Variants in LAMA3 observed in about 807,000 individuals in gnomAD.
The protein encoded by LAMA3 is laminin subunit alpha 3.
LAMA3 carries 281 observed loss-of-function variants against 402.0 expected under a neutral mutation model. That is an observed-to-expected ratio of 0.70 (90% CI 0.63 to 0.77). The LOEUF is 0.77. LAMA3 is among the 30% of genes least tolerant of loss of function. LAMA3 has a pLI of 0.00. For synonymous variants in LAMA3, 1,431 were observed against 1,558.4 expected, an observed-to-expected ratio of 0.92 and a Z score of 1.93; for missense variants, 3,840 against 4,215.5, an observed-to-expected ratio of 0.91 and a Z score of 2.47.
At position 23,941,322 on chromosome 18, in the gene LAMA3, TG is replaced by T. The variant is rs1421854228; in HGVS notation, c.9026+1938del. On this transcript the variant is annotated intron_variant, in intron 68 of 74. Transcript: ENST00000313654. ...CCCCCTTGTGGCCTCTCCATCAGCT[TG>T]GCGCCCCCCCCCCGCCCGGCAGCTT... 8.8e-3 allele frequency among the ~76,000 whole-genome samples: 121 copies of T among 13,822 alleles called. 3 individuals carry two copies. The East Asian group carries it at 0.16, about 18-fold the overall frequency. 9.1% of individuals were successfully genotyped at this position (13,822 alleles called of 152,430 possible).
intron 48 of LAMA3, 27 bp from the exon 49 acceptor site, chr18:23,902,982 C>T (rs560613193): frequency 7.3e-7 from 1 of 1,368,844 alleles, no homozygotes; most frequent in South Asian, 1.2e-5. Context: ...TCATAGAGCT[C>T]AAGCAATTTT....
chr18:23,703,772 C>T (rs932906100), intron 1 of LAMA3, among the ~76,000 whole-genome samples: 1 of 152,188 alleles, frequency 6.6e-6, no homozygotes, highest in South Asian at 2.1e-4. Flanking sequence ...TCTTCCACCC[C>T]CTGGTGCCAT....
chr18:23,928,883 G>C, intron 64 of LAMA3, 118 bp downstream of exon 64: 1 of 961,184 alleles, frequency 1.0e-6, no homozygotes, highest in Non-Finnish European at 1.7e-6. Context: ...TCATCACACA[G>C]TAAATGCTAT....
chr18:23,788,752 G>GA (rs1458785811), intron 12 of LAMA3, among the ~76,000 whole-genome samples: 3 of 151,578 alleles, frequency 2.0e-5, no homozygotes, highest in Admixed American at 6.6e-5. Flanking sequence ...AGTAGCAAAA[G>GA]AAAAAATAGA....
intron 23 of LAMA3, among the ~76,000 whole-genome samples, chr18:23,829,321 CCTGT>C (rs1293860580): frequency 1.3e-5 from 2 of 152,170 alleles, no homozygotes; most frequent in African/African-American, 4.8e-5. Context: ...TATTTTGTTA[CCTGT>C]CTTTCTTAAT....
In LAMA3 at chr18:23,763,393, CTT is replaced by C; in HGVS notation, c.1064-5_1064-4del. The C allele has an allele frequency of 6.5e-7, 1 of 1,528,356 alleles. No homozygotes were observed. The highest frequency in any genetic ancestry group is 9.1e-7 in the Non-Finnish European group (1 of 1,102,296). The allele number at this position is 1,528,356 out of a possible 1,614,324, so 94.7% of individuals were successfully genotyped here. A position where few individuals can be genotyped will look rare whatever the true frequency, so the allele number is the denominator to read the frequency against. ...ATAATGAGAATATTGACTTATTATG[CTT>C]TTTTTTCAGCATGCAACTGCCACGG... On this transcript the variant is annotated splice_polypyrimidine_tract_variant and intron_variant, in intron 7 of 74. Transcript: ENST00000313654.
intron 67 of LAMA3, among the ~76,000 whole-genome samples, chr18:23,935,381 G>A (rs958704456): frequency 6.6e-6 from 1 of 152,214 alleles, no homozygotes; most frequent in Non-Finnish European, 1.5e-5. Context: ...GTCTCTGCGT[G>A]GGCTTCAGCA....
chr18:23,930,696 C>T (rs1041876622), intron 64 of LAMA3, among the ~76,000 whole-genome samples: 59 of 151,942 alleles, frequency 3.9e-4, no homozygotes, highest in South Asian at 6.3e-4. Flanking sequence ...TGTACTCTAG[C>T]CTATGCAAGA....
At chr18:23,702,437 C>T (rs2060807494) in intron 1 of LAMA3, among the ~76,000 whole-genome samples, 2 of 152,010 alleles carry the variant, frequency 1.3e-5, no homozygotes, top group Non-Finnish European at 2.9e-5. Flanking sequence ...CTCAAGGGAG[C>T]CTCAGCCTCC....
At chr18:23,917,741 G>T (rs770774548) in intron 60 of LAMA3, among the ~76,000 whole-genome samples, 3 of 152,104 alleles carry the variant, frequency 2.0e-5, no homozygotes, top group Non-Finnish European at 4.4e-5. Flanking sequence ...AGTTCTGATA[G>T]ATTCTGGATA....
intron 39 of LAMA3, among the ~76,000 whole-genome samples, chr18:23,877,464 A>G (rs915766167): frequency 2.0e-5 from 3 of 152,214 alleles, no homozygotes; most frequent in African/African-American, 7.2e-5. Flanking sequence ...ATACTCCAGG[A>G]ATACAGGGCT....
intron 66 of LAMA3, 58 bp from the exon 67 acceptor site, chr18:23,933,724 G>C: frequency 3.2e-6 from 5 of 1,586,698 alleles, no homozygotes; most frequent in Non-Finnish European, 4.3e-6. Context: ...CTCTACCAGA[G>C]GGTCTTCCTC....
At chr18:23,934,275 T>C (rs1466872614) in intron 67 of LAMA3, among the ~76,000 whole-genome samples, 1 of 152,170 alleles carries the variant, frequency 6.6e-6, no homozygotes, top group Non-Finnish European at 1.5e-5. Flanking sequence ...ATGCTCCTCT[T>C]CCTGCCCATA....
At chr18:23,894,878 A>G (rs2080820792) in intron 43 of LAMA3, 29 bp from the exon 44 acceptor site, 1 of 1,614,098 alleles carries the variant, frequency 6.2e-7, no homozygotes, top group East Asian at 2.2e-5. Context: ...CCCCCACAGC[A>G]CATTTGCCTT....
intron 39 of LAMA3, among the ~76,000 whole-genome samples, chr18:23,878,930 C>T (rs572852901): frequency 1.3e-5 from 2 of 151,578 alleles, no homozygotes; most frequent in Admixed American, 6.6e-5. Context: ...TGCTGAGACC[C>T]CCATCTCTCC....
intron 29 of LAMA3, among the ~76,000 whole-genome samples, chr18:23,844,286 A>C (rs1262714460): frequency 6.6e-6 from 1 of 152,236 alleles, no homozygotes; most frequent in African/African-American, 2.4e-5. Flanking sequence ...CCAAACTACC[A>C]TTATTCATAA....
chr18:23,744,831 CAAAAAAA>C (rs755527455), intron 2 of LAMA3, among the ~76,000 whole-genome samples: 2 of 31,076 alleles, frequency 6.4e-5, no homozygotes, highest in African/African-American at 9.9e-5. Flanking sequence ...GACTCTGTCT[CAAAAAAA>C]AAAAAAAAAA....
chr18:23,875,779 G>A (rs1267636530), intron 38 of LAMA3, among the ~76,000 whole-genome samples: 4 of 152,234 alleles, frequency 2.6e-5, no homozygotes, highest in African/African-American at 7.2e-5. Flanking sequence ...CTCTAAGGAC[G>A]AGTCTCTTTA....
chr18:23,939,340 A>T lies in LAMA3; in HGVS notation c.8980A>T (p.Thr2994Ser). The T allele has an allele frequency of 1.2e-6, 2 of 1,613,552 alleles. No homozygotes were observed. The highest frequency in any genetic ancestry group is 1.7e-6 in the Non-Finnish European group (2 of 1,179,932). The change falls in exon 68 of 75, where the codon ACC becomes TCC. Residue 2994 changes from threonine (T) to serine (S), a missense_variant. By Grantham distance (58) the Thr-to-Ser change is moderately conservative. This residue lies in a region of LAMA3 where 840 missense variants were observed against 981.9 expected (regional missense o/e 0.86). Transcript: ENST00000313654. ...HGALQFGDIP[T>S]SHLLFKLPQE... ...AGCCCTCCAGTTTGGGGACATTCCCACCAGCCACTTGCTATTCAAGCTTCC... is the reference window on the plus strand; with the variant it reads ...AGCCCTCCAGTTTGGGGACATTCCCTCCAGCCACTTGCTATTCAAGCTTCC...
Sources: gnomAD v4.1 joint callset for allele counts (sites outside exome capture counted in the v4.1 genomes callset) on GRCh38, gnomAD v4.1.1 for gene constraint, gnomAD v4.1.1 regional missense constraint, MANE v1.5 for transcripts, NCBI Gene and HGNC (gene_info 2026-07-23, HGNC 2026-07-21) for gene names.